MIER1: variants seen among roughly 807,000 people sequenced by gnomAD.
The protein encoded by MIER1 is MIER1 transcriptional regulator.
In MIER1, 40 loss-of-function variants were observed where a neutral mutation model predicts 75.7. The ratio of observed to expected loss-of-function variants is 0.53; its 90% CI spans 0.41 to 0.69. The LOEUF (loss-of-function observed/expected upper bound fraction) is 0.69, where lower values mean the gene tolerates loss of function less well. Among genes scored for constraint, MIER1 ranks in the 30% least tolerant of loss-of-function variants. The pLI is 0.00. For missense variants in MIER1, 574 were observed against 680.2 expected (o/e 0.84, Z 1.74); for synonymous variants, 213 against 223.4 (o/e 0.95, Z 0.42).
At chr1:66,957,089 T>C (rs1660290194) in intron 4 of MIER1, among the ~76,000 whole-genome samples, 1 of 152,216 alleles carries the variant, frequency 6.6e-6, no homozygotes, top group African/African-American at 2.4e-5. Flanking sequence ...GTGCATTGTA[T>C]GTGGGTGTGC....
chr1:66,974,677 G>T (rs989809108), intron 11 of MIER1, among the ~76,000 whole-genome samples: 4 of 152,086 alleles, frequency 2.6e-5, no homozygotes, highest in African/African-American at 9.7e-5. Flanking sequence ...ATTTGGGACA[G>T]TGGCATTTAA....
In MIER1 at chr1:66,985,251, A is replaced by G; in HGVS notation, c.*351A>G. On this transcript the variant is annotated 3_prime_UTR_variant, in exon 14 of 14. Transcript: ENST00000401041. ...TCTCATTTGATGTATTAATCATAAA[A>G]TTTCACTACAAGGTAATTTTTGCTT... 1.0e-6 allele frequency: 1 copy of G among 976,672 alleles called. No homozygotes were observed. Among genetic ancestry groups the G allele is most frequent in the Non-Finnish European group, 1.2e-6 (1 of 821,316 alleles). 60.5% of individuals were successfully genotyped at this position (976,672 alleles called of 1,614,324 possible).
At chr1:66,965,591 G>GTTA (rs1461468931) in intron 8 of MIER1, among the ~76,000 whole-genome samples, 2 of 152,140 alleles carry the variant, frequency 1.3e-5, no homozygotes, top group African/African-American at 2.4e-5. Flanking sequence ...ATACAGGCAT[G>GTTA]CAGTGTGTAA....
At chr1:66,968,203 G>T (rs1426332230) in intron 8 of MIER1, among the ~76,000 whole-genome samples, 1 of 152,098 alleles carries the variant, frequency 6.6e-6, no homozygotes, top group East Asian at 1.9e-4. Flanking sequence ...TGGAGGGATC[G>T]CTGTGGTAAA....
chr1:66,961,441 T>C (rs776510863), intron 7 of MIER1, among the ~76,000 whole-genome samples: 1 of 152,232 alleles, frequency 6.6e-6, no homozygotes, highest in Non-Finnish European at 1.5e-5. Flanking sequence ...ATATATGATA[T>C]GTTAACACAT....
chr1:66,963,274 A>G (rs774835895), intron 8 of MIER1, 114 bp downstream of exon 8: 3 of 634,284 alleles, frequency 4.7e-6, no homozygotes, highest in Non-Finnish European at 8.3e-6. Context: ...CCCCATTGTA[A>G]CCCCATTGGT....
At chr1:66,949,293 AT>A (rs1658384211) in intron 4 of MIER1, among the ~76,000 whole-genome samples, 2 of 152,288 alleles carry the variant, frequency 1.3e-5, no homozygotes, top group South Asian at 4.1e-4. Flanking sequence ...AAAATGAGAT[AT>A]TTATTACATT....
intron 8 of MIER1, among the ~76,000 whole-genome samples, chr1:66,963,758 A>AT (rs964334533): frequency 8.5e-5 from 13 of 152,118 alleles, no homozygotes; most frequent in South Asian, 4.1e-4. Context: ...AAATACAAAA[A>AT]TTAGCCTGGC....
At chr1:66,962,609 G>A (rs775261687) in intron 7 of MIER1, among the ~76,000 whole-genome samples, 10 of 152,120 alleles carry the variant, frequency 6.6e-5, no homozygotes, top group Non-Finnish European at 1.2e-4. Context: ...TTGAGCCTGG[G>A]AGGTCGAGGC....
intron 3 of MIER1, among the ~76,000 whole-genome samples, chr1:66,940,664 A>T (rs1250742579): frequency 1.3e-5 from 2 of 152,188 alleles, no homozygotes; most frequent in Non-Finnish European, 2.9e-5. Context: ...TGATCTTTGA[A>T]TCAGATCTGT....
intron 3 of MIER1, 116 bp downstream of exon 3, chr1:66,940,168 T>G: frequency 1.5e-6 from 1 of 683,728 alleles, no homozygotes; most frequent in Non-Finnish European, 2.5e-6. Flanking sequence ...TGAATGCTTC[T>G]TTTCTCTGGG....
chr1:66,986,744 T>G lies in MIER1; in HGVS notation c.*1844T>G. ...TTTTGGGTGGAAGTGTTGAGAAGTA[T>G]GAGTTTTTTGTTGTTTTTGTTTTAC... On this transcript the variant is annotated 3_prime_UTR_variant, in exon 14 of 14. Transcript: ENST00000401041. The G allele has an allele frequency of 3.1e-6, 1 of 320,138 alleles. No individual in the cohort carries two copies. The highest frequency in any genetic ancestry group is 5.7e-6 in the Non-Finnish European group (1 of 176,642). 19.8% of individuals were successfully genotyped at this position (320,138 alleles called of 1,614,324 possible).
At chr1:66,930,358 C>G in intron 2 of MIER1, 2 of 1,606,758 alleles carry the variant, frequency 1.2e-6, no homozygotes, top group Non-Finnish European at 8.5e-7. Context: ...CAGCTGCGGC[C>G]GCCGCGGAGA....
chr1:66,981,206 T>G (rs888262441), intron 12 of MIER1, among the ~76,000 whole-genome samples: 1 of 152,154 alleles, frequency 6.6e-6, no homozygotes, highest in African/African-American at 2.4e-5. Flanking sequence ...CAGGAATGAT[T>G]TAGAGAAGAA....
At chr1:66,929,299 GA>G in intron 2 of MIER1, 1 of 306,856 alleles carries the variant, frequency 3.3e-6, no homozygotes, top group Non-Finnish European at 6.3e-6. Context: ...AGGAACCCTT[GA>G]AGATTAGGAA....
chr1:66,985,668 A>G lies in MIER1; in HGVS notation c.*768A>G. ...TTTTCTTAACTTGTACAGTTGGTAA[A>G]CTTTTATGAGAGGAATTGTTATTCT... On this transcript the variant is annotated 3_prime_UTR_variant, in exon 14 of 14. Transcript: ENST00000401041. 1 of 985,062 alleles carries G rather than the reference A, an allele frequency of 1.0e-6. No individual in the cohort carries two copies. The highest frequency in any genetic ancestry group is 1.2e-6 in the Non-Finnish European group (1 of 829,584). The allele number at this position is 985,062 out of a possible 1,614,324, so 61.0% of individuals were successfully genotyped here.
intron 4 of MIER1, among the ~76,000 whole-genome samples, chr1:66,948,474 T>A (rs1041505330): frequency 1.8e-4 from 28 of 152,226 alleles, no homozygotes; most frequent in Middle Eastern, 3.2e-3. Flanking sequence ...CATTGTGGGA[T>A]TAGAGCTGGC....
intron 7 of MIER1, among the ~76,000 whole-genome samples, chr1:66,961,161 C>A (rs1345521853): frequency 6.6e-6 from 1 of 152,016 alleles, no homozygotes; most frequent in Non-Finnish European, 1.5e-5. Flanking sequence ...AGATTGTTTT[C>A]TTTCAGTATG....
Position 66,987,174 on chromosome 1 carries a change from A to G in MIER1, c.*2274A>G, listed in dbSNP as rs1452737885. The stretch of plus-strand genomic sequence containing the variant: ...GTAATGCTCAGCTTTTTGTAAAGAA[A>G]TATTTAATTGTATTTTGTGTTTATA... On this transcript the variant is annotated 3_prime_UTR_variant, in exon 14 of 14. Coordinates refer to ENST00000401041, the MANE Select transcript of MIER1 (RefSeq NM_001077700.3). The G allele has an allele frequency of 1.3e-5, 2 of 152,758 alleles. No individual in the cohort carries two copies. 9.5% of individuals were successfully genotyped at this position (152,758 alleles called of 1,614,324 possible). A position where few individuals can be genotyped will look rare whatever the true frequency, so the allele number is the denominator to read the frequency against.
Sources: gnomAD v4.1 joint callset for allele counts (sites outside exome capture counted in the v4.1 genomes callset) on GRCh38, gnomAD v4.1.1 for gene constraint, MANE v1.5 for transcripts, NCBI Gene and HGNC (gene_info 2026-07-23, HGNC 2026-07-21) for gene names.